Variants in CNBD1 observed in about 807,000 individuals in gnomAD.
CNBD1 encodes cyclic nucleotide binding domain containing 1, also known as cyclic nucleotide-binding domain-containing protein 1.
In CNBD1, 71 loss-of-function variants were observed where a neutral mutation model predicts 54.4. The observed-to-expected ratio is 1.30, with a 90% confidence interval of 1.08 to 1.59. The LOEUF is 1.59. Ranked by LOEUF, CNBD1 falls within the 40% of genes most tolerant of loss-of-function variation. The pLI is 0.00. For missense variants in CNBD1, 659 were observed against 518.0 expected (o/e 1.27, Z -2.64); for synonymous variants, 182 against 170.7 (o/e 1.07, Z -0.51).
intron 2 of CNBD1, among the ~76,000 whole-genome samples, chr8:87,407,157 GTTAC>G (rs773405637): frequency 3.0e-4 from 46 of 152,088 alleles, no homozygotes; most frequent in Non-Finnish European, 5.6e-4. Flanking sequence ...ACCTCTTTCA[GTTAC>G]TTACTTACTA....
chr8:87,324,843 A>T (rs1361249024), intron 8 of CNBD1, among the ~76,000 whole-genome samples: 1 of 113,588 alleles, frequency 8.8e-6, no homozygotes, highest in East Asian at 2.1e-4. Flanking sequence ...GCCTTCTGCT[A>T]GCTTTTGAAT....
chr8:87,077,826 ATTTGGGTTGG>A (rs1810906635), intron 4 of CNBD1, among the ~76,000 whole-genome samples: 1 of 152,072 alleles, frequency 6.6e-6, no homozygotes, highest in Non-Finnish European at 1.5e-5. Context: ...ATTGATGGAC[ATTTGGGTTGG>A]TTCCAAGTCT....
chr8:87,078,397 C>T (rs868151333), intron 4 of CNBD1, among the ~76,000 whole-genome samples: 1 of 152,166 alleles, frequency 6.6e-6, no homozygotes. Context: ...CAAAGCAGTA[C>T]ATTTGTAGAT....
At chr8:87,014,081 C>G (rs1215639421) in intron 4 of CNBD1, among the ~76,000 whole-genome samples, 4 of 151,664 alleles carry the variant, frequency 2.6e-5, no homozygotes, top group Admixed American at 6.6e-5. Context: ...ATTTTCACTA[C>G]TAAAAATATA....
chr8:87,144,667 CA>C (rs962214698), intron 4 of CNBD1, among the ~76,000 whole-genome samples: 2 of 151,714 alleles, frequency 1.3e-5, no homozygotes, highest in Non-Finnish European at 2.9e-5. Flanking sequence ...ACTAAAAATA[CA>C]AAATTAGACA....
chr8:87,371,863 A>G (rs576252650), intron 10 of CNBD1, among the ~76,000 whole-genome samples: 5 of 152,104 alleles, frequency 3.3e-5, no homozygotes, highest in South Asian at 2.1e-4. Flanking sequence ...TATCTATGAC[A>G]AACCCACAGC....
intron 6 of CNBD1, among the ~76,000 whole-genome samples, chr8:87,241,536 T>A (rs1414392042): frequency 6.6e-6 from 1 of 152,130 alleles, no homozygotes; most frequent in East Asian, 1.9e-4. Context: ...CCTCCCAAAG[T>A]GCTGGGATTA....
intron 10 of CNBD1, among the ~76,000 whole-genome samples, chr8:87,382,104 A>C (rs1811089058): frequency 6.6e-6 from 1 of 151,944 alleles, no homozygotes; most frequent in South Asian, 2.1e-4. Context: ...TTATTAAATA[A>C]TAGAAAACAA....
At chr8:86,935,891 C>A (rs1809538413) in intron 3 of CNBD1, among the ~76,000 whole-genome samples, 1 of 151,930 alleles carries the variant, frequency 6.6e-6, no homozygotes, top group African/African-American at 2.4e-5. Flanking sequence ...TGCCTGTAAT[C>A]CTAGCACTTT....
intron 10 of CNBD1, among the ~76,000 whole-genome samples, chr8:87,369,175 T>G (rs575326562): frequency 1.3e-5 from 2 of 151,968 alleles, no homozygotes; most frequent in Admixed American, 6.6e-5. Context: ...ATAATGGCCT[T>G]CAATGTTCAC....
intron 4 of CNBD1, among the ~76,000 whole-genome samples, chr8:87,114,574 C>G (rs1802682971): frequency 8.7e-6 from 1 of 115,368 alleles, no homozygotes; most frequent in South Asian, 2.4e-4. Context: ...TGGTCTTGAA[C>G]TCCTGACCTC....
intron 4 of CNBD1, among the ~76,000 whole-genome samples, chr8:87,164,874 T>G (rs1435546435): frequency 6.6e-6 from 1 of 151,842 alleles, no homozygotes; most frequent in Non-Finnish European, 1.5e-5. Flanking sequence ...GGTAGTTTAT[T>G]TATTTGAGAT....
intron 6 of CNBD1, among the ~76,000 whole-genome samples, chr8:87,271,732 T>C (rs915454151): frequency 2.0e-5 from 3 of 151,706 alleles, no homozygotes; most frequent in Non-Finnish European, 4.4e-5. Flanking sequence ...AACTAACATA[T>C]GCTCCCGCAA....
At chr8:87,341,916 G>T (rs912399308) in intron 8 of CNBD1, among the ~76,000 whole-genome samples, 1 of 152,142 alleles carries the variant, frequency 6.6e-6, no homozygotes, top group Non-Finnish European at 1.5e-5. Flanking sequence ...AAGAATCTAT[G>T]TGGTGGTTTC....
intron 4 of CNBD1, among the ~76,000 whole-genome samples, chr8:87,010,210 T>C (rs1361506667): frequency 1.3e-5 from 2 of 152,136 alleles, no homozygotes; most frequent in African/African-American, 4.8e-5. Flanking sequence ...TTCCTACCTT[T>C]TTCCCCCCAC....
intron 4 of CNBD1, among the ~76,000 whole-genome samples, chr8:87,053,628 G>A (rs1272331460): frequency 1.3e-5 from 2 of 152,072 alleles, no homozygotes; most frequent in Non-Finnish European, 2.9e-5. Context: ...TTTTTTCATG[G>A]ATCCCGAGGA....
downstream of CNBD1, among the ~76,000 whole-genome samples, chr8:87,386,225 T>A (rs888899277): frequency 6.6e-6 from 1 of 152,132 alleles, no homozygotes; most frequent in African/African-American, 2.4e-5. Context: ...TCCAAAGGAA[T>A]GCAGCTCCTC....
At chr8:87,129,215 G>A (rs1400884349) in intron 4 of CNBD1, among the ~76,000 whole-genome samples, 1 of 151,122 alleles carries the variant, frequency 6.6e-6, no homozygotes, top group Non-Finnish European at 1.5e-5. Context: ...CCTTTTCAAT[G>A]TCCTGAAATA....
chr8:87,093,927 C>A (rs968298662), intron 4 of CNBD1, among the ~76,000 whole-genome samples: 3 of 152,176 alleles, frequency 2.0e-5, no homozygotes, highest in Non-Finnish European at 2.9e-5. Context: ...TGTTTAAAAT[C>A]TCTGTTCCTT....
Sources: gnomAD v4.1 joint callset for allele counts (sites outside exome capture counted in the v4.1 genomes callset) on GRCh38, gnomAD v4.1.1 for gene constraint, MANE v1.5 for transcripts, NCBI Gene and HGNC (gene_info 2026-07-23, HGNC 2026-07-21) for gene names.